Variants in SGCD observed in about 807,000 individuals in gnomAD.
SGCD encodes the protein delta-sarcoglycan.
Under a neutral mutation model 36.6 loss-of-function variants are expected in SGCD, and 18 were observed. The observed-to-expected ratio is 0.49, with a 90% confidence interval of 0.34 to 0.73. SGCD has a LOEUF of 0.73. Among genes scored for constraint, SGCD ranks in the 30% least tolerant of loss-of-function variants. SGCD has a pLI of 0.01. For missense variants in SGCD, 387 were observed against 346.7 expected, an observed-to-expected ratio of 1.12 and a Z score of -0.92; for synonymous variants, 133 against 130.6, an observed-to-expected ratio of 1.02 and a Z score of -0.12.
the SGCD span, among the ~76,000 whole-genome samples, chr5:155,771,391 G>A: frequency 6.6e-6 from 1 of 151,686 alleles, no homozygotes; most frequent in African/African-American, 2.4e-5. Context: ...TAGCACTGTA[G>A]GTATGCACCA....
intron 1 of SGCD, among the ~76,000 whole-genome samples, chr5:156,070,299 C>T (rs1035464671): frequency 4.6e-5 from 7 of 152,008 alleles, no homozygotes; most frequent in African/African-American, 1.2e-4. Flanking sequence ...TTTTGAGATA[C>T]GTCCCATCAA....
intron 5 of SGCD, among the ~76,000 whole-genome samples, chr5:156,591,590 G>C (rs182855267): frequency 3.3e-5 from 5 of 152,314 alleles, no homozygotes; most frequent in Admixed American, 1.3e-4. Flanking sequence ...GCACCTCCCA[G>C]ACTCATGGAG....
intron 3 of SGCD, among the ~76,000 whole-genome samples, chr5:156,287,338 G>A (rs1286338510): frequency 2.0e-5 from 3 of 152,092 alleles, no homozygotes; most frequent in Non-Finnish European, 4.4e-5. Context: ...AGCTTTTTGG[G>A]ATTCACTGAG....
chr5:156,002,605 GC>G (rs1442586512), intron 1 of SGCD, among the ~76,000 whole-genome samples: 1 of 152,132 alleles, frequency 6.6e-6, no homozygotes, highest in East Asian at 1.9e-4. Context: ...TCCAGAATAT[GC>G]CCTGCTTCAC....
At chr5:155,884,170 C>CT (rs1755952766) in intron 1 of SGCD, among the ~76,000 whole-genome samples, 1 of 152,140 alleles carries the variant, frequency 6.6e-6, no homozygotes, top group Admixed American at 6.5e-5. Flanking sequence ...ATGATGAATC[C>CT]TTTACCGAGG....
the SGCD span, among the ~76,000 whole-genome samples, chr5:155,782,406 GAAACA>G: frequency 7.9e-5 from 12 of 151,868 alleles, no homozygotes; most frequent in South Asian, 2.1e-4. Context: ...CAAAAAATTT[GAAACA>G]AAACAAAACA....
At chr5:155,945,660 G>A (rs963887948) in intron 1 of SGCD, among the ~76,000 whole-genome samples, 13 of 152,100 alleles carry the variant, frequency 8.5e-5, no homozygotes, top group Admixed American at 1.3e-4. Context: ...TTGTGTGTCC[G>A]GAGGGTGGTG....
At chr5:155,931,946 C>A (rs959100547) in intron 1 of SGCD, among the ~76,000 whole-genome samples, 2 of 152,172 alleles carry the variant, frequency 1.3e-5, no homozygotes, top group Non-Finnish European at 2.9e-5. Flanking sequence ...ATAAATGGTG[C>A]CTTCTCCCTG....
At chr5:156,296,434 ATCTT>A (rs1223820802) in intron 3 of SGCD, among the ~76,000 whole-genome samples, 1 of 152,174 alleles carries the variant, frequency 6.6e-6, no homozygotes, top group East Asian at 1.9e-4. Flanking sequence ...TCAATAGAAG[ATCTT>A]TCTTATTTTC....
At chr5:156,251,681 A>AT (rs1168960172) in intron 3 of SGCD, among the ~76,000 whole-genome samples, 1 of 151,640 alleles carries the variant, frequency 6.6e-6, no homozygotes, top group Non-Finnish European at 1.5e-5. Flanking sequence ...CACCCAGCTA[A>AT]TTTTTTGTAT....
intron 1 of SGCD, among the ~76,000 whole-genome samples, chr5:155,970,732 A>G (rs905015457): frequency 1.3e-5 from 2 of 152,174 alleles, no homozygotes; most frequent in East Asian, 1.9e-4. Flanking sequence ...CATTTATGCT[A>G]TGCATCTGTG....
chr5:155,798,554 G>T, the SGCD span, among the ~76,000 whole-genome samples: 1 of 152,100 alleles, frequency 6.6e-6, no homozygotes, highest in Non-Finnish European at 1.5e-5. Context: ...ACCAGATTAC[G>T]CTAGGGGCTC....
chr5:156,454,505 T>C lies in SGCD; in HGVS notation c.193-54096T>C, dbSNP rs1032663815. 7.9e-5 allele frequency among the ~76,000 whole-genome samples: 12 copies of C among 152,268 alleles called. No homozygotes were observed. The East Asian group carries it at 1.9e-3, about 25-fold the overall frequency. ...GAGACAATGTGGTGAATTCAGCTCA[T>C]TGAATAGCAAAGAAGTTTGCTTGTT... On this transcript the variant is annotated intron_variant, in intron 3 of 8. Transcript: ENST00000337851.
At chr5:156,459,915 ATCT>A (rs929746949) in intron 3 of SGCD, among the ~76,000 whole-genome samples, 2 of 152,128 alleles carry the variant, frequency 1.3e-5, no homozygotes, top group Non-Finnish European at 2.9e-5. Context: ...TTACAGGGAA[ATCT>A]TCTTTAGATA....
chr5:156,454,902 C>T (rs1754184307), intron 3 of SGCD, among the ~76,000 whole-genome samples: 1 of 151,984 alleles, frequency 6.6e-6, no homozygotes, highest in African/African-American at 2.4e-5. Flanking sequence ...GTCAGAACTC[C>T]ACTGGAAGTC....
At chr5:156,524,393 CTT>C (rs1757563618) in intron 4 of SGCD, among the ~76,000 whole-genome samples, 2 of 149,408 alleles carry the variant, frequency 1.3e-5, no homozygotes, top group South Asian at 4.2e-4. Flanking sequence ...GTTTCTCTCT[CTT>C]GTGACCCAGT....
Position 156,764,917 on chromosome 5 carries a change from C to G in SGCD, c.*5527C>G, listed in dbSNP as rs1757561058. The G allele has an allele frequency of 6.6e-6, 1 of 152,170 alleles. No individual in the cohort carries two copies. Among genetic ancestry groups the G allele is most frequent in the African/African-American group, 2.4e-5 (1 of 41,444 alleles). The allele number at this position is 152,170 out of a possible 1,614,324, so 9.4% of individuals were successfully genotyped here. On this transcript the variant is annotated 3_prime_UTR_variant, in exon 9 of 9. Transcript: ENST00000337851. ...CAGGTGGAATAGAACAAAGAAACAG[C>G]CACTGTAATCGAGAAGCATGTTTAC...
intron 4 of SGCD, among the ~76,000 whole-genome samples, chr5:156,568,114 G>T (rs1243262676): frequency 6.6e-6 from 1 of 152,156 alleles, no homozygotes; most frequent in African/African-American, 2.4e-5. Context: ...CAGGGGCTGG[G>T]TGTGGTGGCT....
At chr5:156,011,245 C>G (rs1758854328) in intron 1 of SGCD, among the ~76,000 whole-genome samples, 1 of 152,044 alleles carries the variant, frequency 6.6e-6, no homozygotes, top group Non-Finnish European at 1.5e-5. Flanking sequence ...ATATCTTTTT[C>G]AAAATCCTTC....
Sources: gnomAD v4.1 joint callset for allele counts (sites outside exome capture counted in the v4.1 genomes callset) on GRCh38, gnomAD v4.1.1 for gene constraint, MANE v1.5 for transcripts, NCBI Gene and HGNC (gene_info 2026-07-23, HGNC 2026-07-21) for gene names.